The following RRAS2 variants were observed in gnomAD, a reference collection of about 807,000 sequenced individuals.
The protein encoded by RRAS2 is RAS related 2, also known as ras-related protein R-Ras2.
RRAS2 carries 7 observed loss-of-function variants against 27.6 expected under a neutral mutation model. The ratio of observed to expected loss-of-function variants is 0.25; its 90% CI spans 0.14 to 0.48. The LOEUF (loss-of-function observed/expected upper bound fraction) is 0.48. Among genes scored for constraint, RRAS2 ranks in the 20% least tolerant of loss-of-function variants. The pLI is 0.99. For missense variants in RRAS2, 178 were observed against 256.2 expected (o/e 0.69, Z 2.08); for synonymous variants, 86 against 90.9 (o/e 0.95, Z 0.31).
chr11:14,297,650 T>G (rs1363300915), intron 1 of RRAS2, among the ~76,000 whole-genome samples: 2 of 152,012 alleles, frequency 1.3e-5, no homozygotes, highest in Non-Finnish European at 2.9e-5. Flanking sequence ...TAGTCCTAGT[T>G]ACTCCGGAGG....
Position 14,364,420 on chromosome 11 carries a change from A to G in RRAS2, c.-153T>C, listed in dbSNP as rs1554956491. 4 of 1,535,514 alleles carry G rather than the reference A, an allele frequency of 2.6e-6. No individual in the cohort carries two copies. In the East Asian group the frequency reaches 9.8e-5, roughly 38 times the overall value. On this transcript the variant is annotated 5_prime_UTR_variant, in exon 1 of 6. Coordinates refer to the RRAS2 transcript ENST00000529237. ...GGTGATGGAGGAGCATCATCCACTT[A>G]TTTCCTTAATGGGCCATTGCTTTTA... is the stretch of plus-strand genomic sequence containing the variant.
At chr11:14,353,970 G>C (rs962762946) in intron 1 of RRAS2, among the ~76,000 whole-genome samples, 1 of 152,176 alleles carries the variant, frequency 6.6e-6, no homozygotes, top group Non-Finnish European at 1.5e-5. Context: ...CACTAAAAAT[G>C]TCTAGTTTCA....
At chr11:14,361,563 C>G (rs1274912832), upstream of RRAS2, among the ~76,000 whole-genome samples, 1 of 152,194 alleles carries the variant, frequency 6.6e-6, no homozygotes, top group Non-Finnish European at 1.5e-5. Context: ...GCTTCACACA[C>G]ACGAGGATGA....
intron 1 of RRAS2, among the ~76,000 whole-genome samples, chr11:14,311,011 C>G (rs1476932548): frequency 6.6e-6 from 1 of 152,160 alleles, no homozygotes; most frequent in South Asian, 2.1e-4. Flanking sequence ...TTTCAAAACT[C>G]TGTGGCAAAG....
intron 1 of RRAS2, among the ~76,000 whole-genome samples, chr11:14,336,762 AC>A (rs2134017152): frequency 6.6e-6 from 1 of 152,314 alleles, no homozygotes; most frequent in South Asian, 2.1e-4. Context: ...AAAAGATCTA[AC>A]TTCCATGTTA....
intron 1 of RRAS2, among the ~76,000 whole-genome samples, chr11:14,353,142 C>T (rs1208352716): frequency 6.6e-6 from 1 of 152,106 alleles, no homozygotes; most frequent in African/African-American, 2.4e-5. Flanking sequence ...TCCCACTCTA[C>T]TCCCCCAATT....
At chr11:14,283,256 C>T (rs1271636835) in intron 4 of RRAS2, among the ~76,000 whole-genome samples, 1 of 152,156 alleles carries the variant, frequency 6.6e-6, no homozygotes, top group African/African-American at 2.4e-5. Context: ...CAACCCATTG[C>T]AGGAATAAAC....
At chr11:14,351,265 T>C (rs1488010945) in intron 1 of RRAS2, among the ~76,000 whole-genome samples, 5 of 152,186 alleles carry the variant, frequency 3.3e-5, no homozygotes, top group Non-Finnish European at 7.3e-5. Flanking sequence ...AAAGAACTGT[T>C]CCAAAGTAAG....
At chr11:14,301,848 G>A (rs1437077429) in intron 1 of RRAS2, among the ~76,000 whole-genome samples, 4 of 152,034 alleles carry the variant, frequency 2.6e-5, no homozygotes, top group South Asian at 2.1e-4. Flanking sequence ...GCGTGATAGC[G>A]GGCACCTGTA....
At chr11:14,317,803 T>C (rs1231293526) in intron 1 of RRAS2, among the ~76,000 whole-genome samples, 3 of 152,180 alleles carry the variant, frequency 2.0e-5, no homozygotes, top group East Asian at 1.9e-4. Context: ...CAGTGGCTCA[T>C]ACCTGTAATC....
intron 4 of RRAS2, among the ~76,000 whole-genome samples, chr11:14,291,416 A>G (rs1246510650): frequency 2.0e-5 from 3 of 152,188 alleles, no homozygotes; most frequent in African/African-American, 2.4e-5. Context: ...CTTTGTGTCT[A>G]TCCTTCAGAG....
intron 4 of RRAS2, among the ~76,000 whole-genome samples, chr11:14,289,328 G>C (rs1849749489): frequency 6.6e-6 from 1 of 152,112 alleles, no homozygotes; most frequent in South Asian, 2.1e-4. Flanking sequence ...GGAGAAAGAT[G>C]GTAAAGACAA....
intron 3 of RRAS2, 59 bp from the exon 4 acceptor site, chr11:14,294,638 A>C: frequency 6.8e-7 from 1 of 1,475,480 alleles, no homozygotes; most frequent in Non-Finnish European, 9.3e-7. Flanking sequence ...AGAATTCAGC[A>C]AGTCTCATGC....
chr11:14,346,923 G>C (rs1415734626), intron 1 of RRAS2, among the ~76,000 whole-genome samples: 2 of 152,176 alleles, frequency 1.3e-5, no homozygotes, highest in African/African-American at 4.8e-5. Flanking sequence ...GGGAGGCCAA[G>C]GTGGGAGGAT....
intron 1 of RRAS2, among the ~76,000 whole-genome samples, chr11:14,316,625 C>T (rs1251354125): frequency 2.0e-5 from 3 of 152,124 alleles, no homozygotes; most frequent in African/African-American, 7.2e-5. Context: ...CCTCTGTAGT[C>T]CTAGCTAATT....
At chr11:14,307,054 G>A (rs1256117286) in intron 1 of RRAS2, among the ~76,000 whole-genome samples, 2 of 152,026 alleles carry the variant, frequency 1.3e-5, no homozygotes, top group African/African-American at 4.8e-5. Flanking sequence ...AGCAGGGCAT[G>A]ATGGCACATG....
chr11:14,305,766 C>T (rs1184995311), intron 1 of RRAS2, among the ~76,000 whole-genome samples: 2 of 152,126 alleles, frequency 1.3e-5, no homozygotes, highest in African/African-American at 2.4e-5. Flanking sequence ...CAGTCTTGGC[C>T]GTGCGCGATG....
chr11:14,321,022 A>C (rs1848210496), intron 1 of RRAS2, among the ~76,000 whole-genome samples: 1 of 152,136 alleles, frequency 6.6e-6, no homozygotes, highest in South Asian at 2.1e-4. Context: ...TCTACTAAAA[A>C]TACAACAATT....
In RRAS2 at chr11:14,358,165, C is replaced by T. The variant is rs1849122016; in HGVS notation, c.108+598G>A. 8 of 942,896 alleles carry T rather than the reference C, an allele frequency of 8.5e-6. No individual in the cohort carries two copies. The South Asian group carries it at 2.4e-4, about 29-fold the overall frequency. The allele number at this position is 942,896 out of a possible 1,614,324, so 58.4% of individuals were successfully genotyped here. On this transcript the variant is annotated intron_variant, in intron 1 of 5. Coordinates refer to ENST00000256196, the MANE Select transcript of RRAS2 (RefSeq NM_012250.6). The surrounding 1 kb of genome is among the most constrained non-coding windows in gnomAD (Gnocchi z 5.1). ...AACTTCCTAGAAGCCACCATTTCCC[C>T]GGGGCATTATCACACACTCCCACCC...
Sources: gnomAD v4.1 joint callset for allele counts (sites outside exome capture counted in the v4.1 genomes callset) on GRCh38, gnomAD v4.1.1 for gene constraint, Gnocchi (gnomAD v3.1) non-coding constraint, MANE v1.5 for transcripts, NCBI Gene and HGNC (gene_info 2026-07-23, HGNC 2026-07-21) for gene names.